The following INTS13 variants were observed in gnomAD, a reference collection of about 807,000 sequenced individuals.
INTS13 encodes asunder, spermatogenesis regulator homolog (Drosphila).
INTS13 carries 35 observed loss-of-function variants against 90.2 expected under a neutral mutation model. That is an observed-to-expected ratio of 0.39 (90% confidence interval 0.30 to 0.51). INTS13 has a LOEUF of 0.51. INTS13 is among the 20% of genes least tolerant of loss of function. The pLI is 0.80. For synonymous variants in INTS13, 309 were observed against 277.1 expected (o/e 1.11, Z -1.14); for missense variants, 601 against 851.2 (o/e 0.71, Z 3.66).
chr12:26,923,565 C>T (rs1378309136), intron 7 of INTS13, among the ~76,000 whole-genome samples: 4 of 152,126 alleles, frequency 2.6e-5, no homozygotes, highest in Admixed American at 2.6e-4. Flanking sequence ...TTCCATTCCA[C>T]TCAGTAAAAA....
intron 3 of INTS13, among the ~76,000 whole-genome samples, chr12:26,932,702 T>C (rs545299315): frequency 1.3e-4 from 20 of 152,252 alleles, no homozygotes; most frequent in Non-Finnish European, 2.1e-4. Context: ...GAGGAAATGG[T>C]ATAAACTTAC....
chr12:26,922,567 G>T, intron 8 of INTS13, 49 bp downstream of exon 8: 1 of 1,397,116 alleles, frequency 7.2e-7, no homozygotes, highest in Non-Finnish European at 9.9e-7. Context: ...ACTGTAATAT[G>T]CTTTCATATG....
In INTS13 at chr12:26,934,642, C is replaced by A; in HGVS notation, c.226-12G>T. 1 of 1,586,532 alleles carries A rather than the reference C, an allele frequency of 6.3e-7. No homozygotes were observed. Among genetic ancestry groups the A allele is most frequent in the Non-Finnish European group, 8.6e-7 (1 of 1,156,456 alleles). On this transcript the variant is annotated splice_polypyrimidine_tract_variant and intron_variant, in intron 2 of 16. Coordinates refer to ENST00000261191, the MANE Select transcript of INTS13 (RefSeq NM_018164.3). ...ACAATAAAATTCACCTAATAGATTC[C>A]AAAGAAACAATTAGTATTCAACTCT...
At position 26,911,161 on chromosome 12, in the gene INTS13, C is replaced by A; in HGVS notation, c.1945+17G>T. ...GGAAAACTTTTTATAAACCTAGTTA[C>A]CACAGCTGTACCTTACCTTTTGATT... On this transcript the variant is annotated intron_variant, in intron 15 of 16. Coordinates refer to ENST00000261191, the MANE Select transcript of INTS13 (RefSeq NM_018164.3). The A allele has an allele frequency of 6.2e-7, 1 of 1,601,586 alleles. No individual in the cohort carries two copies. Among genetic ancestry groups the A allele is most frequent in the Non-Finnish European group, 8.5e-7 (1 of 1,176,012 alleles).
At position 26,928,948 on chromosome 12, in the gene INTS13, A is replaced by C. The variant is rs541568845; in HGVS notation, c.301-43T>G. The stretch of plus-strand genomic sequence containing the variant: ...CAATTATGTTGACAAGAGTATGTGC[A>C]ATTCAGATAAAAATATCACAAGAAA... On this transcript the variant is annotated intron_variant, in intron 3 of 16. Transcript: ENST00000261191. 2.0e-6 allele frequency: 3 copies of C among 1,536,908 alleles called. No homozygotes were observed. In the African/African-American group the frequency reaches 4.1e-5, roughly 21 times the overall value.
At chr12:26,921,742 G>A (rs1426063114) in intron 8 of INTS13, among the ~76,000 whole-genome samples, 2 of 152,122 alleles carry the variant, frequency 1.3e-5, no homozygotes, top group African/African-American at 4.8e-5. Flanking sequence ...TGCAACCTCC[G>A]CCTCCCAGGT....
intron 3 of INTS13, among the ~76,000 whole-genome samples, chr12:26,934,003 T>C (rs1938328809): frequency 6.6e-6 from 1 of 152,188 alleles, no homozygotes; most frequent in Admixed American, 6.5e-5. Context: ...TAACCAACAA[T>C]TCTGACATAT....
chr12:26,918,135 A>AAAT (rs575848673), intron 8 of INTS13, among the ~76,000 whole-genome samples: 2,387 of 151,996 alleles, frequency 0.016, 40 homozygotes, highest in Non-Finnish European at 0.022. Flanking sequence ...AAAATAAATA[A>AAAT]AATAATAATA....
rs991770958 is a variant in INTS13, at chr12:26,914,046, A to C, written c.1502T>G (p.Leu501Ter). 2 of 1,611,636 alleles carry C rather than the reference A, an allele frequency of 1.2e-6. No individual in the cohort carries two copies. The highest frequency in any genetic ancestry group is 3.4e-5 in the Admixed American group (2 of 59,646). The change falls in exon 13 of 17, where the codon TTA becomes TGA. Residue 501 changes from leucine to a stop codon, truncating the protein, a stop_gained. Coordinates refer to ENST00000261191, the MANE Select transcript of INTS13 (RefSeq NM_018164.3). LOFTEE classifies it high-confidence loss of function. ...ATCATTTTTTCTTTCCATATCAACT[A>C]AGTTGTATATTGTTTTTTGACAGTT... is the stretch of plus-strand genomic sequence containing the variant. ...VLNCQKTIYN[L>*]VDMERKNDPL...
intron 14 of INTS13, among the ~76,000 whole-genome samples, chr12:26,912,590 A>G (rs978596617): frequency 2.6e-5 from 4 of 152,228 alleles, no homozygotes; most frequent in South Asian, 2.1e-4. Context: ...CGCTGACATC[A>G]TAATATAAAT....
intron 3 of INTS13, among the ~76,000 whole-genome samples, chr12:26,932,833 C>A (rs1470239202): frequency 6.6e-6 from 1 of 152,196 alleles, no homozygotes; most frequent in Non-Finnish European, 1.5e-5. Flanking sequence ...TGCAAACAAT[C>A]AGCTAAAACT....
At chr12:26,907,867 C>T (rs1354276758) in intron 15 of INTS13, among the ~76,000 whole-genome samples, 1 of 152,042 alleles carries the variant, frequency 6.6e-6, no homozygotes, top group Non-Finnish European at 1.5e-5. Flanking sequence ...AATTAAAACA[C>T]CAATGAAATA....
At chr12:26,935,622 T>C (rs1328907667) in intron 2 of INTS13, among the ~76,000 whole-genome samples, 4 of 152,214 alleles carry the variant, frequency 2.6e-5, no homozygotes, top group Non-Finnish European at 5.9e-5. Flanking sequence ...ACACAGCTAG[T>C]AGTTAACCAC....
At chr12:26,929,935 C>A (rs1339276512) in intron 3 of INTS13, among the ~76,000 whole-genome samples, 1 of 152,048 alleles carries the variant, frequency 6.6e-6, no homozygotes, top group African/African-American at 2.4e-5. Context: ...CCCAAGGTAT[C>A]CACTAAAAAA....
chr12:26,936,665 T>C lies in INTS13; in HGVS notation c.139A>G (p.Ile47Val). Residue 47 changes from isoleucine to valine, a missense_variant, in exon 2 of 17, where the codon ATA becomes GTA. Physicochemically the swap from Ile to Val is conservative, Grantham distance 29. Around this residue, in one of 3 missense-constraint regions of INTS13, gnomAD observed 284 missense variants for 387.7 expected, o/e 0.73. Coordinates refer to ENST00000261191, the MANE Select transcript of INTS13 (RefSeq NM_018164.3). ...GAGCAAGTCCACAATGATTTAGATA[T>C]GGGGGCCAAAGGAATGATTCCTTGG... ...RTQGIIPLAPISKSLWTCSVE... is the reference protein window; with the variant it reads ...RTQGIIPLAPVSKSLWTCSVE... 6.2e-7 allele frequency: 1 copy of C among 1,613,640 alleles called. No individual in the cohort carries two copies. The highest frequency in any genetic ancestry group is 8.5e-7 in the Non-Finnish European group (1 of 1,179,588).
At chr12:26,936,460 G>T (rs1938464709) in intron 2 of INTS13, 119 bp downstream of exon 2, 1 of 721,380 alleles carries the variant, frequency 1.4e-6, no homozygotes. Flanking sequence ...GCAGCGTTAT[G>T]TACCACATTT....
intron 5 of INTS13, among the ~76,000 whole-genome samples, chr12:26,927,356 T>A (rs1275913491): frequency 1.3e-5 from 2 of 152,202 alleles, no homozygotes; most frequent in Non-Finnish European, 1.5e-5. Flanking sequence ...CTCCAAGGAT[T>A]GTCATAATTG....
In INTS13 at chr12:26,920,526, GT is replaced by G. The variant is rs1461107817; in HGVS notation, c.889+2089del. Reference sequence around the variant, plus strand: ...CGATTCCCCTGCCTCAGCATCCCGAGTAGCTGGGACTACAGGCGCACGCCAC... The same window carrying G: ...CGATTCCCCTGCCTCAGCATCCCGAGAGCTGGGACTACAGGCGCACGCCAC... On this transcript the variant is annotated intron_variant, in intron 8 of 16. Transcript: ENST00000261191. 2.6e-5 allele frequency among the ~76,000 whole-genome samples: 4 copies of G among 151,940 alleles called. No homozygotes were observed. In the East Asian group the frequency reaches 7.8e-4, roughly 30 times the overall value.
chr12:26,910,741 G>C (rs1292603592), intron 15 of INTS13, among the ~76,000 whole-genome samples: 1 of 152,178 alleles, frequency 6.6e-6, no homozygotes, highest in Non-Finnish European at 1.5e-5. Context: ...GTTGTAAACA[G>C]AGAATGTCCT....
Sources: allele counts gnomAD v4.1 joint callset (sites outside exome capture counted in the v4.1 genomes callset), GRCh38; gene constraint gnomAD v4.1.1; regional missense constraint gnomAD v4.1.1; transcripts MANE v1.5; gene names NCBI Gene and HGNC (gene_info 2026-07-23, HGNC 2026-07-21).